Variants in RASGRP3 observed in about 807,000 individuals in gnomAD.
RASGRP3 encodes RAS guanyl releasing protein 3, also known as ras guanyl-releasing protein 3.
Under a neutral mutation model 82.7 loss-of-function variants are expected in RASGRP3, and 54 were observed. The ratio of observed to expected loss-of-function variants is 0.65; its 90% CI spans 0.52 to 0.82. The LOEUF is 0.82. Among genes scored for constraint, RASGRP3 ranks in the 40% least tolerant of loss-of-function variants. RASGRP3 has a pLI of 0.00. For synonymous variants in RASGRP3, 309 were observed against 300.5 expected (o/e 1.03, Z -0.29); for missense variants, 861 against 828.9 (o/e 1.04, Z -0.48).
chr2:33,509,821 T>C (rs909122207), intron 1 of RASGRP3, among the ~76,000 whole-genome samples: 8 of 152,218 alleles, frequency 5.3e-5, no homozygotes, highest in African/African-American at 1.7e-4. Context: ...GTTCGGTGTC[T>C]GGTGTCTAGT....
At chr2:33,445,554 A>G (rs1219948851) in intron 1 of RASGRP3, among the ~76,000 whole-genome samples, 1 of 152,226 alleles carries the variant, frequency 6.6e-6, no homozygotes, top group African/African-American at 2.4e-5. Context: ...AAAGTTATAA[A>G]TAGTGACTGC....
intron 2 of RASGRP3, among the ~76,000 whole-genome samples, chr2:33,454,298 T>C (rs994386984): frequency 5.3e-5 from 8 of 152,254 alleles, no homozygotes; most frequent in Non-Finnish European, 1.0e-4. Flanking sequence ...TACTTTGATA[T>C]GACACATCAA....
At chr2:33,555,223 C>T (rs1287298961) in intron 14 of RASGRP3, 4 of 221,292 alleles carry the variant, frequency 1.8e-5, no homozygotes, top group Non-Finnish European at 3.5e-5. Flanking sequence ...GACCAAGTGG[C>T]CATCTCCTCT....
intron 2 of RASGRP3, among the ~76,000 whole-genome samples, chr2:33,466,574 G>C (rs1226991757): frequency 1.3e-5 from 2 of 152,108 alleles, no homozygotes; most frequent in African/African-American, 2.4e-5. Flanking sequence ...AGCTACTCAG[G>C]AGGCTGAGGC....
At position 33,549,694 on chromosome 2, in the gene RASGRP3, T is replaced by C. The variant is rs2276590; in HGVS notation, c.1485T>C (p.His495=). Residue 495 remains histidine (H), a synonymous_variant, in exon 14 of 18, where the codon CAT becomes CAC. Transcript: ENST00000403687. Reference sequence around the variant, plus strand: ...GTAAAATGGGACCAGGATTTATCCATAATTTTCAGGAGATGACCTATCTCA... The same window carrying C: ...GTAAAATGGGACCAGGATTTATCCACAATTTTCAGGAGATGACCTATCTCA... ...LHCKMGPGFI[H]NFQEMTYLKP... The C allele has an allele frequency of 0.026, 42,732 of 1,613,910 alleles. 3,411 individuals carry two copies. In the East Asian group the frequency reaches 0.29, roughly 11 times the overall value.
At chr2:33,502,292 G>C (rs1028695184) in intron 1 of RASGRP3, among the ~76,000 whole-genome samples, 5 of 152,084 alleles carry the variant, frequency 3.3e-5, no homozygotes, top group African/African-American at 1.2e-4. Flanking sequence ...CTGTTTCTGT[G>C]TGTGGAGGTG....
chr2:33,537,323 G>C (rs6543721), intron 11 of RASGRP3, among the ~76,000 whole-genome samples: 29,641 of 102,194 alleles, frequency 0.29, 6,347 homozygotes, highest in African/African-American at 0.52. Flanking sequence ...CACACACACC[G>C]CCCCCCCCAC....
chr2:33,506,286 C>A (rs745453019), intron 1 of RASGRP3, among the ~76,000 whole-genome samples: 2 of 152,126 alleles, frequency 1.3e-5, no homozygotes, highest in African/African-American at 2.4e-5. Flanking sequence ...AATGGGCAGG[C>A]CTTAACAACA....
intron 1 of RASGRP3, among the ~76,000 whole-genome samples, chr2:33,489,463 T>C (rs1668671284): frequency 6.6e-6 from 1 of 152,212 alleles, no homozygotes; most frequent in Non-Finnish European, 1.5e-5. Context: ...CACTCTTTGG[T>C]GTCCAAAAGA....
At chr2:33,487,420 A>G (rs983781778) in intron 1 of RASGRP3, among the ~76,000 whole-genome samples, 29 of 152,208 alleles carry the variant, frequency 1.9e-4, no homozygotes, top group African/African-American at 6.8e-4. Flanking sequence ...TAAAAGGTAA[A>G]GTTGATAGTT....
At chr2:33,465,763 A>T (rs891725666) in intron 2 of RASGRP3, among the ~76,000 whole-genome samples, 9 of 152,136 alleles carry the variant, frequency 5.9e-5, no homozygotes, top group African/African-American at 9.7e-5. Context: ...GGACAGGCTG[A>T]CTCTTGTTAG....
At chr2:33,472,140 T>A (rs914845651), upstream of RASGRP3, among the ~76,000 whole-genome samples, 4 of 152,336 alleles carry the variant, frequency 2.6e-5, no homozygotes, top group African/African-American at 9.6e-5. Context: ...ATTCATTTAT[T>A]CATCGAGGAT....
At chr2:33,523,310 AAAAATT>A (rs1366789168) in intron 7 of RASGRP3, among the ~76,000 whole-genome samples, 1 of 152,008 alleles carries the variant, frequency 6.6e-6, no homozygotes, top group Non-Finnish European at 1.5e-5. Context: ...AAAAATACTA[AAAAATT>A]TAGCCAGGTG....
At chr2:33,464,113 T>TA (rs371666052) in intron 2 of RASGRP3, among the ~76,000 whole-genome samples, 35,505 of 130,046 alleles carry the variant, frequency 0.27, 5,311 homozygotes, top group Middle Eastern at 0.36. Context: ...TAATAATAAT[T>TA]ATTATTATTA....
At chr2:33,465,781 TGCA>T (rs1666660888) in intron 2 of RASGRP3, among the ~76,000 whole-genome samples, 1 of 152,240 alleles carries the variant, frequency 6.6e-6, no homozygotes, top group Non-Finnish European at 1.5e-5. Flanking sequence ...TAGGGGCTAA[TGCA>T]GCTGGTGACT....
chr2:33,522,167 C>A, intron 7 of RASGRP3, 65 bp downstream of exon 7: 2 of 1,520,092 alleles, frequency 1.3e-6, no homozygotes, highest in East Asian at 4.5e-5. Context: ...CCAAGAGCTG[C>A]ATTTTCATAC....
At position 33,548,229 on chromosome 2, in the gene RASGRP3, C is replaced by T. The variant is rs548038494; in HGVS notation, c.1395-1375C>T. Among the ~76,000 whole-genome samples the T allele has an allele frequency of 7.0e-4, 106 of 151,716 alleles. 2 individuals carry two copies. The South Asian group carries it at 0.017, about 24-fold the overall frequency. On this transcript the variant is annotated intron_variant, in intron 13 of 17. Transcript: ENST00000403687. ...ACAAAAAATTAGCTGGGCGCAGTGGCGGGCGCCTGTAGTCCCAGCTACTCG... is the reference window on the plus strand; with the variant it reads ...ACAAAAAATTAGCTGGGCGCAGTGGTGGGCGCCTGTAGTCCCAGCTACTCG...
chr2:33,447,907 C>G (rs552389449), exon 2 of RASGRP3: 17 of 152,182 alleles, frequency 1.1e-4, no homozygotes, highest in African/African-American at 4.1e-4. Flanking sequence ...CTCTGATGAC[C>G]CATTTGGATT....
intron 2 of RASGRP3, among the ~76,000 whole-genome samples, chr2:33,466,548 G>A (rs1451006329): frequency 6.6e-6 from 1 of 152,100 alleles, no homozygotes; most frequent in Non-Finnish European, 1.5e-5. Context: ...GCATGGTGGT[G>A]GGTGCCTGTA....
Sources: gnomAD v4.1 joint callset for allele counts (sites outside exome capture counted in the v4.1 genomes callset) on GRCh38, gnomAD v4.1.1 for gene constraint, MANE v1.5 for transcripts, NCBI Gene and HGNC (gene_info 2026-07-23, HGNC 2026-07-21) for gene names.